Variants in ZFAT observed in about 807,000 individuals in gnomAD.
ZFAT encodes zinc finger protein ZFAT.
ZFAT carries 64 observed loss-of-function variants against 117.7 expected under a neutral mutation model. That is an observed-to-expected ratio of 0.54 (90% CI 0.44 to 0.67). ZFAT has a LOEUF of 0.67. Ranked by LOEUF, ZFAT falls within the 30% of genes least tolerant of loss-of-function variation. The pLI is 0.00. For missense variants in ZFAT, 1,433 were observed against 1,584.5 expected, an observed-to-expected ratio of 0.90 and a Z score of 1.62; for synonymous variants, 679 against 615.0, an observed-to-expected ratio of 1.10 and a Z score of -1.54.
At chr8:134,784,367 CAA>C in the ZFAT span, 1 of 151,980 alleles carries the variant, frequency 6.6e-6, no homozygotes, top group Non-Finnish European at 1.5e-5. Flanking sequence ...ATATTAATGA[CAA>C]AGTTATGTTC....
In ZFAT at chr8:134,512,465, G is replaced by C; in HGVS notation, c.3361+10C>G. 1 of 1,612,888 alleles carries C rather than the reference G, an allele frequency of 6.2e-7. No individual in the cohort carries two copies. Among genetic ancestry groups the C allele is most frequent in the Middle Eastern group, 1.7e-4 (1 of 6,050 alleles). On this transcript the variant is annotated intron_variant, in intron 14 of 15. Transcript: ENST00000377838. The stretch of plus-strand genomic sequence containing the variant: ...TTCTGAGATGGCAAAGGAAGACCAG[G>C]CGTCCTCACCACTCTCAGAGGTGTA...
chr8:134,528,817 G>C (rs563807590), intron 12 of ZFAT, among the ~76,000 whole-genome samples: 1 of 152,160 alleles, frequency 6.6e-6, no homozygotes, highest in African/African-American at 2.4e-5. Flanking sequence ...GCCCTGGTCC[G>C]CAACCTGGGC....
chr8:134,782,982 T>C, the ZFAT span, among the ~76,000 whole-genome samples: 114 of 152,156 alleles, frequency 7.5e-4, no homozygotes, highest in African/African-American at 2.4e-3. Context: ...TGTAAATATA[T>C]ATATATATAC....
chr8:134,782,046 T>C, the ZFAT span, among the ~76,000 whole-genome samples: 2 of 152,146 alleles, frequency 1.3e-5, no homozygotes, highest in Non-Finnish European at 2.9e-5. Context: ...GGGGTTAGGA[T>C]TGGTACTCCA....
chr8:134,544,047 C>T (rs1376766603), intron 11 of ZFAT, among the ~76,000 whole-genome samples: 2 of 152,208 alleles, frequency 1.3e-5, no homozygotes, highest in Non-Finnish European at 2.9e-5. Context: ...GGCTCCCATC[C>T]ATTCTTCACG....
intron 15 of ZFAT, among the ~76,000 whole-genome samples, chr8:134,499,122 C>T (rs1486909866): frequency 8.6e-6 from 1 of 116,758 alleles, no homozygotes; most frequent in Non-Finnish European, 1.8e-5. Flanking sequence ...TTGCTGGTTA[C>T]ACACAGAGCC....
intron 1 of ZFAT, among the ~76,000 whole-genome samples, chr8:134,712,363 T>A (rs1040735270): frequency 6.6e-6 from 1 of 152,180 alleles, no homozygotes; most frequent in African/African-American, 2.4e-5. Flanking sequence ...GTTAAATGAC[T>A]TGCACCGGGT....
chr8:134,506,719 ATATC>A (rs1819442229), intron 15 of ZFAT, among the ~76,000 whole-genome samples: 2 of 152,352 alleles, frequency 1.3e-5, no homozygotes, highest in South Asian at 4.1e-4. Context: ...AATAGAGTAT[ATATC>A]TATTTGTTTA....
chr8:134,685,796 C>G (rs1456264928), intron 1 of ZFAT, among the ~76,000 whole-genome samples: 1 of 152,216 alleles, frequency 6.6e-6, no homozygotes, highest in East Asian at 1.9e-4. Context: ...CTACATCTGA[C>G]TAGGCCATAA....
Position 134,478,110 on chromosome 8 carries a change from G to C in ZFAT, c.*372C>G, listed in dbSNP as rs903761476. ...CAGATGAACATTTGGCACCTAGATG[G>C]GGGTCAAGGAGCTGGGGCTGTGATT... On this transcript the variant is annotated 3_prime_UTR_variant, in exon 16 of 16. Coordinates refer to ENST00000377838, the MANE Select transcript of ZFAT (RefSeq NM_020863.4). This position sits in a 1 kb window ranked among gnomAD's most constrained non-coding sequence, Gnocchi z 5.2. 7.7e-5 allele frequency: 20 copies of C among 258,898 alleles called. No individual in the cohort carries two copies. Among genetic ancestry groups the C allele is most frequent in the Non-Finnish European group, 1.4e-4 (19 of 132,944 alleles). The allele number at this position is 258,898 out of a possible 1,614,324, so 16.0% of individuals were successfully genotyped here.
rs114974940 is a variant in ZFAT at position 134,622,461 on chromosome 8, T to C, written c.449-11806A>G. ...CCCCGCGGGGCTGAAGCCCTTTCTA[T>C]GACGACAGGGTCTAGTGCCCCTGCA... On this transcript the variant is annotated intron_variant, in intron 3 of 15. Transcript: ENST00000377838. Among the ~76,000 whole-genome samples, 1,492 of 152,282 alleles carry C rather than the reference T, an allele frequency of 9.8e-3. 21 individuals are homozygous for C. The highest frequency in any genetic ancestry group is 0.034 in the African/African-American group (1,432 of 41,552).
At position 134,686,232 on chromosome 8, in the gene ZFAT, T is replaced by C. The variant is rs571877068; in HGVS notation, c.19+26613A>G. Among the ~76,000 whole-genome samples, 4 of 152,340 alleles carry C rather than the reference T, an allele frequency of 2.6e-5. No individual in the cohort carries two copies. The East Asian group carries it at 7.7e-4, about 29-fold the overall frequency. On this transcript the variant is annotated intron_variant, in intron 1 of 15. Coordinates refer to ENST00000377838, the MANE Select transcript of ZFAT (RefSeq NM_020863.4). ...TTTCCCGTGTATGCCCACATTTCTA[T>C]GTGACAGAAATGACACGGAGAGGAA... is the stretch of plus-strand genomic sequence containing the variant.
At chr8:134,509,771 G>A (rs754471295) in intron 14 of ZFAT, 22 bp from the exon 15 acceptor site, 3 of 1,581,936 alleles carry the variant, frequency 1.9e-6, no homozygotes, top group Non-Finnish European at 2.6e-6. Flanking sequence ...GAAGCAAAGA[G>A]GACACCATTC....
At chr8:134,752,566 C>T in the ZFAT span, among the ~76,000 whole-genome samples, 1 of 152,172 alleles carries the variant, frequency 6.6e-6, no homozygotes, top group Admixed American at 6.6e-5. Context: ...ACTGATGGAT[C>T]CTGAGTGTGT....
chr8:134,602,892 C>T lies in ZFAT; in HGVS notation c.827G>A (p.Cys276Tyr). 6.2e-7 allele frequency: 1 copy of T among 1,613,436 alleles called. No homozygotes were observed. Among genetic ancestry groups the T allele is most frequent in the Non-Finnish European group, 8.5e-7 (1 of 1,179,632 alleles). Reference sequence around the variant, plus strand: ...GTGCTTGAACTTGAAGACCTTGTTGCAGTATTCACAAGTGAAGATTTTGAG... The same window carrying T: ...GTGCTTGAACTTGAAGACCTTGTTGTAGTATTCACAAGTGAAGATTTTGAG... Reference protein sequence around the residue: ...TQLKIFTCEYCNKVFKFKHSL... With the variant: ...TQLKIFTCEYYNKVFKFKHSL... The change falls in exon 6 of 16, where the codon TGC becomes TAC. Residue 276 changes from cysteine to tyrosine, a missense_variant. Around this residue, in one of 5 missense-constraint regions of ZFAT, gnomAD observed 436 missense variants for 482.0 expected, o/e 0.90. Coordinates refer to ENST00000377838, the MANE Select transcript of ZFAT (RefSeq NM_020863.4).
intron 12 of ZFAT, among the ~76,000 whole-genome samples, chr8:134,525,754 A>T (rs1820983643): frequency 6.6e-6 from 1 of 152,202 alleles, no homozygotes; most frequent in Non-Finnish European, 1.5e-5. Flanking sequence ...GAGGCAGAGG[A>T]GGGCACCGAG....
At chr8:134,813,422 C>CT in the ZFAT span, among the ~76,000 whole-genome samples, 6 of 152,040 alleles carry the variant, frequency 3.9e-5, no homozygotes, top group East Asian at 1.9e-4. Flanking sequence ...CCATCTAATT[C>CT]TTTTTTTTGA....
At chr8:134,773,642 G>A in the ZFAT span, among the ~76,000 whole-genome samples, 1 of 152,214 alleles carries the variant, frequency 6.6e-6, no homozygotes, top group South Asian at 2.1e-4. Context: ...CATAATTCAT[G>A]GGAGGCGGTC....
the ZFAT span, among the ~76,000 whole-genome samples, chr8:134,771,866 T>A: frequency 6.6e-6 from 1 of 152,314 alleles, no homozygotes; most frequent in South Asian, 2.1e-4. Flanking sequence ...GGCCTCACAA[T>A]CATGGCAGAA....
Sources: gnomAD v4.1 joint callset for allele counts (sites outside exome capture counted in the v4.1 genomes callset) on GRCh38, gnomAD v4.1.1 for gene constraint, gnomAD v4.1.1 regional missense constraint, Gnocchi (gnomAD v3.1) non-coding constraint, MANE v1.5 for transcripts, NCBI Gene and HGNC (gene_info 2026-07-23, HGNC 2026-07-21) for gene names.